Variants in NPR3 observed in about 807,000 individuals in gnomAD.
The protein encoded by NPR3 is atrial natriuretic peptide receptor 3.
In NPR3, 34 loss-of-function variants were observed where a neutral mutation model predicts 54.5. The ratio of observed to expected loss-of-function variants is 0.62; its 90% confidence interval spans 0.47 to 0.83. NPR3 has a LOEUF of 0.83. NPR3 is among the 40% of genes least tolerant of loss of function. The probability of loss-of-function intolerance (pLI) is 0.00; values close to 1 mark genes in which losing one functional copy is unlikely to be tolerated. For synonymous variants in NPR3, 289 were observed against 297.1 expected, an observed-to-expected ratio of 0.97 and a Z score of 0.28; for missense variants, 674 against 720.8, an observed-to-expected ratio of 0.94 and a Z score of 0.74.
chr5:32,737,536 T>G (rs1402147275), intron 2 of NPR3, among the ~76,000 whole-genome samples: 1 of 152,118 alleles, frequency 6.6e-6, no homozygotes, highest in Non-Finnish European at 1.5e-5. Flanking sequence ...CTACCAAGGA[T>G]GAGGGGGCTT....
chr5:32,733,958 C>T (rs937131702), intron 2 of NPR3, among the ~76,000 whole-genome samples: 2 of 152,156 alleles, frequency 1.3e-5, no homozygotes, highest in Admixed American at 6.5e-5. Flanking sequence ...ATTAGCTAAA[C>T]GACTTGGGGC....
In NPR3 at chr5:32,787,898, T is replaced by G. The variant is rs1742718347; in HGVS notation, c.*1553T>G. On this transcript the variant is annotated 3_prime_UTR_variant, in exon 8 of 8. Transcript: ENST00000265074. ...AACATTTTGAGCATCTGAAAAATAG[T>G]TTAAAAAATTGTCTTAATATCTATT... 6.6e-6 allele frequency: 1 copy of G among 152,178 alleles called. No homozygotes were observed. The highest frequency in any genetic ancestry group is 1.5e-5 in the Non-Finnish European group (1 of 68,042). The allele number at this position is 152,178 out of a possible 1,614,324, so 9.4% of individuals were successfully genotyped here.
At chr5:32,714,697 C>T (rs1230728121) in intron 1 of NPR3, among the ~76,000 whole-genome samples, 1 of 152,208 alleles carries the variant, frequency 6.6e-6, no homozygotes, top group Non-Finnish European at 1.5e-5. Context: ...CGCCTCTAAT[C>T]ATCCTTCCAC....
At chr5:32,781,893 A>T (rs1742354459) in intron 5 of NPR3, among the ~76,000 whole-genome samples, 1 of 152,228 alleles carries the variant, frequency 6.6e-6, no homozygotes, top group African/African-American at 2.4e-5. Context: ...TAGACCTGAC[A>T]TGGCCTGTGA....
chr5:32,701,588 G>A (rs964635214), intron 1 of NPR3, among the ~76,000 whole-genome samples: 3 of 152,174 alleles, frequency 2.0e-5, no homozygotes, highest in South Asian at 2.1e-4. Context: ...TCAGTGTCTG[G>A]GCATTGAAGA....
chr5:32,703,630 A>G (rs1737893367), intron 1 of NPR3, among the ~76,000 whole-genome samples: 1 of 152,108 alleles, frequency 6.6e-6, no homozygotes, highest in African/African-American at 2.4e-5. Flanking sequence ...CTTGCCCAGA[A>G]TATTTCTAGA....
rs765419778 is a variant in NPR3 at position 32,774,837 on chromosome 5, T to C, written c.1189T>C (p.Phe397Leu). 3.1e-6 allele frequency: 5 copies of C among 1,611,268 alleles called. No homozygotes were observed. Among genetic ancestry groups the C allele is most frequent in the Admixed American group, 3.3e-5 (2 of 59,982 alleles). Reference protein sequence around the residue: ...KIIQQTWNRTFEGIAGQVSID... With the variant: ...KIIQQTWNRTLEGIAGQVSID... ...TATACAGCAGACTTGGAACAGAACA[T>C]TTGAAGGTGGGGATTCCATCTATAA... The change falls in exon 4 of 8, where the codon TTT becomes CTT. Residue 397 changes from phenylalanine (F) to leucine (L), a missense_variant. Phe to Leu is a conservative substitution (Grantham distance 22, BLOSUM62 0). Transcript: ENST00000265074.
chr5:32,737,087 G>A (rs927618814), intron 2 of NPR3, among the ~76,000 whole-genome samples: 3 of 152,080 alleles, frequency 2.0e-5, no homozygotes, highest in Non-Finnish European at 4.4e-5. Context: ...CTGTGATGTA[G>A]GCTCAGCCAA....
upstream of NPR3, among the ~76,000 whole-genome samples, chr5:32,707,585 G>C (rs181189451): frequency 1.4e-4 from 21 of 152,218 alleles, no homozygotes; most frequent in Admixed American, 5.9e-4. Context: ...CTGCCTCTAG[G>C]GGGGAGTGTG....
chr5:32,765,737 G>A (rs1291455394), intron 3 of NPR3, among the ~76,000 whole-genome samples: 1 of 152,200 alleles, frequency 6.6e-6, no homozygotes, highest in Non-Finnish European at 1.5e-5. Flanking sequence ...GAAGAAGTTC[G>A]CTGGCTCACA....
At chr5:32,747,605 C>T (rs575542416) in intron 3 of NPR3, among the ~76,000 whole-genome samples, 88 of 152,176 alleles carry the variant, frequency 5.8e-4, no homozygotes, top group African/African-American at 2.0e-3. Flanking sequence ...TTTTTTAAAA[C>T]CCTTTATCTT....
chr5:32,786,429 G>C lies in NPR3; in HGVS notation c.*84G>C. The C allele has an allele frequency of 1.5e-6, 1 of 660,834 alleles. No homozygotes were observed. Among genetic ancestry groups the C allele is most frequent in the Non-Finnish European group, 2.7e-6 (1 of 370,516 alleles). 40.9% of individuals were successfully genotyped at this position (660,834 alleles called of 1,614,324 possible). A position where few individuals can be genotyped will look rare whatever the true frequency, so the allele number is the denominator to read the frequency against. On this transcript the variant is annotated 3_prime_UTR_variant, in exon 8 of 8. Coordinates refer to ENST00000265074, the MANE Select transcript of NPR3 (RefSeq NM_001204375.2). ...GAAAGACATCAATGAAACAGAAGGG[G>C]CGTTCTTGAAGAATTCATAATTTTA... is the stretch of plus-strand genomic sequence containing the variant.
rs1196262871 is a variant in NPR3 at position 32,774,852 on chromosome 5, T to G, written c.1195+9T>G. On this transcript the variant is annotated intron_variant, in intron 4 of 7. Coordinates refer to ENST00000265074, the MANE Select transcript of NPR3 (RefSeq NM_001204375.2). ...GAACAGAACATTTGAAGGTGGGGAT[T>G]CCATCTATAAGGCAATTACATGGGG... The G allele has an allele frequency of 6.2e-7, 1 of 1,607,778 alleles. No individual in the cohort carries two copies. The highest frequency in any genetic ancestry group is 2.2e-5 in the East Asian group (1 of 44,840).
At position 32,738,934 on chromosome 5, in the gene NPR3, A is replaced by G; in HGVS notation, c.963A>G (p.Thr321=). 6.2e-7 allele frequency: 1 copy of G among 1,613,912 alleles called. No homozygotes were observed. The highest frequency in any genetic ancestry group is 8.5e-7 in the Non-Finnish European group (1 of 1,179,768). ...EAKQAYSSLQ[T]VTLLRTVKPE... is the part of the protein sequence containing the mutation. ...AGCAAGCATACTCGTCCCTCCAGACAGTCACTCTACTGAGGACAGTGAAAC... is the reference window on the plus strand; with the variant it reads ...AGCAAGCATACTCGTCCCTCCAGACGGTCACTCTACTGAGGACAGTGAAAC... The change falls in exon 3 of 8, where the codon ACA becomes ACG. Residue 321 remains threonine, a synonymous_variant. Coordinates refer to ENST00000265074, the MANE Select transcript of NPR3 (RefSeq NM_001204375.2).
chr5:32,739,108 C>T (rs77085461), intron 3 of NPR3, 78 bp downstream of exon 3: 24,201 of 1,438,088 alleles, frequency 0.017, 274 homozygotes, highest in Non-Finnish European at 0.019. Context: ...GACAGAGTGT[C>T]CCATTCTGAG....
At chr5:32,691,076 C>G (rs1294785311) in intron 1 of NPR3, among the ~76,000 whole-genome samples, 1 of 152,182 alleles carries the variant, frequency 6.6e-6, no homozygotes, top group Non-Finnish European at 1.5e-5. Context: ...AGCTGCCCAT[C>G]TGAAGTTACC....
At chr5:32,751,920 G>A (rs191144406) in intron 3 of NPR3, among the ~76,000 whole-genome samples, 34 of 152,280 alleles carry the variant, frequency 2.2e-4, no homozygotes, top group African/African-American at 8.2e-4. Flanking sequence ...ACCAACTTGG[G>A]GCTGGGTGTG....
intron 3 of NPR3, among the ~76,000 whole-genome samples, chr5:32,759,720 G>C (rs937848555): frequency 1.3e-5 from 2 of 152,126 alleles, no homozygotes; most frequent in Non-Finnish European, 2.9e-5. Context: ...TTACAATTTG[G>C]CATGTTTTTG....
In NPR3 at chr5:32,786,242, A is replaced by G; in HGVS notation, c.1523A>G (p.Tyr508Cys). Residue 508 changes from tyrosine (Y) to cysteine (C), a missense_variant, in exon 8 of 8, where the codon TAC (tyrosine) becomes TGC (cysteine). Transcript: ENST00000265074. ...LMAFYFFRKK[Y>C]RITIERRTQQ... ...ACTTTCCCTTTACCCAGGAAGAAATACAGAATAACCATTGAGAGGCGAACC... is the reference window on the plus strand; with the variant it reads ...ACTTTCCCTTTACCCAGGAAGAAATGCAGAATAACCATTGAGAGGCGAACC... The G allele has an allele frequency of 7.1e-7, 1 of 1,416,726 alleles. No individual in the cohort carries two copies. The highest frequency in any genetic ancestry group is 1.3e-5 in the South Asian group (1 of 79,290). 87.8% of individuals were successfully genotyped at this position (1,416,726 alleles called of 1,614,324 possible).
Sources: allele counts gnomAD v4.1 joint callset (sites outside exome capture counted in the v4.1 genomes callset), GRCh38; gene constraint gnomAD v4.1.1; transcripts MANE v1.5; gene names NCBI Gene and HGNC (gene_info 2026-07-23, HGNC 2026-07-21).